The following PREX2 variants were observed in gnomAD, a reference collection of about 807,000 sequenced individuals.
PREX2 encodes the protein phosphatidylinositol 3,4,5-trisphosphate-dependent Rac exchanger 2 protein.
PREX2 carries 107 observed loss-of-function variants against 203.2 expected under a neutral mutation model. That is an observed-to-expected ratio of 0.53 (90% CI 0.45 to 0.62). PREX2 has a LOEUF of 0.62. PREX2 is among the 20% of genes least tolerant of loss of function. The pLI, the probability that PREX2 is intolerant of heterozygous loss-of-function variation, is 0.00. For missense variants in PREX2, 1,777 were observed against 1,955.9 expected, an observed-to-expected ratio of 0.91 and a Z score of 1.72; for synonymous variants, 672 against 663.6, an observed-to-expected ratio of 1.01 and a Z score of -0.19.
intron 1 of PREX2, among the ~76,000 whole-genome samples, chr8:67,977,137 A>G (rs1394641442): frequency 6.6e-6 from 1 of 152,196 alleles, no homozygotes; most frequent in African/African-American, 2.4e-5. Context: ...CCATTGGGTC[A>G]TGAGGGTAGG....
intron 1 of PREX2, among the ~76,000 whole-genome samples, chr8:68,008,003 C>G (rs1393947477): frequency 6.6e-6 from 1 of 152,184 alleles, no homozygotes; most frequent in Non-Finnish European, 1.5e-5. Context: ...TATGGAAGCT[C>G]TGCCTCAGAG....
intron 38 of PREX2, among the ~76,000 whole-genome samples, chr8:68,219,503 G>A (rs908023489): frequency 1.1e-4 from 16 of 152,068 alleles, no homozygotes; most frequent in African/African-American, 3.9e-4. Context: ...GCACTATTTT[G>A]TCAGTATATA....
At chr8:68,002,845 T>C (rs1021965813) in intron 1 of PREX2, among the ~76,000 whole-genome samples, 13 of 152,154 alleles carry the variant, frequency 8.5e-5, no homozygotes, top group African/African-American at 2.2e-4. Context: ...AAAGTATAGA[T>C]ATTGTAGTTT....
chr8:67,952,544 C>T lies in PREX2; in HGVS notation c.141+9C>T, dbSNP rs199858548. ...TGGAGTTCCTGGTGTCGGTGAGTGT[C>T]CCCGGCAGACGCAGGGGGACGTCCG... is the stretch of plus-strand genomic sequence containing the variant. On this transcript the variant is annotated intron_variant, in intron 1 of 39. Coordinates refer to ENST00000288368, the MANE Select transcript of PREX2 (RefSeq NM_024870.4). 166 of 1,607,550 alleles carry T rather than the reference C, an allele frequency of 1.0e-4. No individual in the cohort carries two copies. The highest frequency in any genetic ancestry group is 2.2e-4 in the Admixed American group (13 of 59,406).
chr8:67,968,007 G>T (rs1352703894), intron 1 of PREX2, among the ~76,000 whole-genome samples: 1 of 151,528 alleles, frequency 6.6e-6, no homozygotes, highest in Non-Finnish European at 1.5e-5. Flanking sequence ...ACACCAACAC[G>T]GCACAGGTAT....
intron 25 of PREX2, among the ~76,000 whole-genome samples, chr8:68,111,357 C>G (rs1181403994): frequency 6.6e-6 from 1 of 152,032 alleles, no homozygotes; most frequent in Non-Finnish European, 1.5e-5. Flanking sequence ...CTAGCACTGC[C>G]TCACAATCCT....
chr8:68,011,097 A>G (rs1807244005), intron 1 of PREX2, among the ~76,000 whole-genome samples: 1 of 152,240 alleles, frequency 6.6e-6, no homozygotes, highest in African/African-American at 2.4e-5. Flanking sequence ...AGCTATCTCT[A>G]ACAAAAGATA....
At chr8:68,128,870 A>T (rs1290032302) in intron 31 of PREX2, among the ~76,000 whole-genome samples, 3 of 152,238 alleles carry the variant, frequency 2.0e-5, no homozygotes, top group African/African-American at 7.2e-5. Context: ...TGGAAATTTT[A>T]AATTATGAAT....
At chr8:68,229,168 C>T (rs1276320488) in intron 39 of PREX2, among the ~76,000 whole-genome samples, 2 of 150,272 alleles carry the variant, frequency 1.3e-5, no homozygotes, top group Non-Finnish European at 3.0e-5. Flanking sequence ...AAGGCACCAT[C>T]TATAGCATGA....
chr8:67,974,275 T>C (rs1001551026), intron 1 of PREX2, among the ~76,000 whole-genome samples: 21 of 152,030 alleles, frequency 1.4e-4, no homozygotes, highest in Non-Finnish European at 2.6e-4. Flanking sequence ...ACTAACAAGA[T>C]ACAATTTGCC....
intron 21 of PREX2, among the ~76,000 whole-genome samples, chr8:68,095,587 G>C (rs1209587476): frequency 6.6e-6 from 1 of 150,854 alleles, no homozygotes; most frequent in Non-Finnish European, 1.5e-5. Flanking sequence ...GTGTGTATAT[G>C]TGTGTGTATA....
intron 35 of PREX2, among the ~76,000 whole-genome samples, chr8:68,188,531 T>C (rs1416266500): frequency 6.6e-6 from 1 of 152,198 alleles, no homozygotes; most frequent in Non-Finnish European, 1.5e-5. Flanking sequence ...ATGTTGCTAA[T>C]AAAGACATAC....
At chr8:68,060,636 A>G (rs1585747791) in intron 10 of PREX2, 43 bp from the exon 11 acceptor site, 2 of 1,412,326 alleles carry the variant, frequency 1.4e-6, no homozygotes, top group Non-Finnish European at 2.0e-6. Context: ...CTTGCTGGGG[A>G]AAAAATTAAC....
At chr8:68,228,938 T>C (rs1161209802) in intron 39 of PREX2, among the ~76,000 whole-genome samples, 2 of 123,598 alleles carry the variant, frequency 1.6e-5, no homozygotes, top group Non-Finnish European at 3.3e-5. Context: ...TGAGACCTTG[T>C]CTCTTTAAAA....
chr8:68,051,389 G>A (rs922008166), intron 8 of PREX2, among the ~76,000 whole-genome samples: 1 of 152,050 alleles, frequency 6.6e-6, no homozygotes, highest in African/African-American at 2.4e-5. Context: ...CAGGTGCAAG[G>A]TTCACTTAGC....
At chr8:68,179,599 T>G (rs1812046511) in intron 35 of PREX2, among the ~76,000 whole-genome samples, 1 of 152,102 alleles carries the variant, frequency 6.6e-6, no homozygotes, top group Non-Finnish European at 1.5e-5. Context: ...ACAAGTTGGG[T>G]TCATCCAACA....
intron 13 of PREX2, among the ~76,000 whole-genome samples, chr8:68,071,872 G>A (rs2129611651): frequency 6.6e-6 from 1 of 152,152 alleles, no homozygotes; most frequent in East Asian, 1.9e-4. Context: ...CAGCCTTCCT[G>A]GAGCATTCAG....
chr8:68,217,949 T>A (rs908355500), intron 38 of PREX2, among the ~76,000 whole-genome samples: 1 of 152,232 alleles, frequency 6.6e-6, no homozygotes, highest in Non-Finnish European at 1.5e-5. Flanking sequence ...TACGGAGTAA[T>A]CTGCAGGCAG....
At chr8:68,056,209 A>G (rs1032239694) in intron 10 of PREX2, among the ~76,000 whole-genome samples, 1 of 152,058 alleles carries the variant, frequency 6.6e-6, no homozygotes, top group African/African-American at 2.4e-5. Flanking sequence ...GATTTCTGAT[A>G]TGTCATGATC....
Sources: gnomAD v4.1 joint callset for allele counts (sites outside exome capture counted in the v4.1 genomes callset) on GRCh38, gnomAD v4.1.1 for gene constraint, MANE v1.5 for transcripts, NCBI Gene and HGNC (gene_info 2026-07-23, HGNC 2026-07-21) for gene names.